PDGFRB: variants seen among roughly 807,000 people sequenced by gnomAD.
PDGFRB encodes platelet-derived growth factor receptor beta.
In PDGFRB, 42 loss-of-function variants were observed where a neutral mutation model predicts 120.2. That is an observed-to-expected ratio of 0.35 (90% CI 0.27 to 0.45). The LOEUF is 0.45. Ranked by LOEUF, PDGFRB falls within the 20% of genes least tolerant of loss-of-function variation. The pLI is 1.00. For synonymous variants in PDGFRB, 586 were observed against 606.8 expected, an observed-to-expected ratio of 0.97 and a Z score of 0.50; for missense variants, 1,149 against 1,476.3, an observed-to-expected ratio of 0.78 and a Z score of 3.63.
intron 22 of PDGFRB, 72 bp downstream of exon 22, chr5:150,117,546 A>ACACG (rs1554107299): frequency 4.0e-5 from 17 of 420,458 alleles, no homozygotes; most frequent in South Asian, 6.8e-5. Context: ...GCGCGCGCGC[A>ACACG]CACACACACA....
chr5:150,146,742 G>A lies in PDGFRB; in HGVS notation c.-7+8655C>T, dbSNP rs151185088. Among the ~76,000 whole-genome samples, 557 of 152,252 alleles carry A rather than the reference G, an allele frequency of 3.7e-3. 3 individuals are homozygous for A. The highest frequency in any genetic ancestry group is 0.01 in the Middle Eastern group (3 of 294). On this transcript the variant is annotated intron_variant, in intron 1 of 22. Coordinates refer to ENST00000261799, the MANE Select transcript of PDGFRB (RefSeq NM_002609.4). ...ACTGCCAAAACCTGAATTCTTGCCCGTCATGCCAGACTGTCTGTCTCCTGA... is the reference window on the plus strand; with the variant it reads ...ACTGCCAAAACCTGAATTCTTGCCCATCATGCCAGACTGTCTGTCTCCTGA...
intron 14 of PDGFRB, 44 bp from the exon 15 acceptor site, chr5:150,123,245 GGCGT>G: frequency 6.5e-7 from 1 of 1,537,212 alleles, no homozygotes; most frequent in Non-Finnish European, 9.0e-7. Context: ...GGAGGCCTCA[GGCGT>G]CCCTTCAAGG....
At chr5:150,138,713 C>T (rs543558256) in intron 1 of PDGFRB, among the ~76,000 whole-genome samples, 11 of 152,374 alleles carry the variant, frequency 7.2e-5, no homozygotes, top group African/African-American at 2.6e-4. Context: ...GGATGCCAGG[C>T]CTCCTTGGTC....
chr5:150,127,833 TAAAAA>T (rs56899708), intron 10 of PDGFRB, among the ~76,000 whole-genome samples: 5 of 62,432 alleles, frequency 8.0e-5, no homozygotes, highest in African/African-American at 3.7e-4. Flanking sequence ...GACTCCATCT[TAAAAA>T]AAAAAAAAAA....
At position 150,115,535 on chromosome 5, in the gene PDGFRB, C is replaced by A; in HGVS notation, c.*228G>T. The A allele has an allele frequency of 2.5e-6, 1 of 404,120 alleles. No homozygotes were observed. The highest frequency in any genetic ancestry group is 4.3e-6 in the Non-Finnish European group (1 of 230,354). The allele number at this position is 404,120 out of a possible 1,614,324, so 25.0% of individuals were successfully genotyped here. ...CCCTGGGGGAACCCTGGCTCAGAGT[C>A]AGTTGGCCTCCCTGGAGGCAGAGGG... On this transcript the variant is annotated 3_prime_UTR_variant, in exon 23 of 23. Coordinates refer to ENST00000261799, the MANE Select transcript of PDGFRB (RefSeq NM_002609.4).
rs2113914702 is a variant in PDGFRB at position 150,137,009 on chromosome 5, T to C, written c.39A>G (p.Lys13=). The stretch of plus-strand genomic sequence containing the variant: ...CTACCTTATCTCCCATCTACCCACC[T>C]TTGAGGGCCAGAGCTGGCATCGCAC... ...LPGAMPALAL[K]GELLLLSLLL... The change falls in exon 2 of 23, where the codon AAA becomes AAG. Residue 13 remains lysine (K), a splice_region_variant and synonymous_variant. Transcript: ENST00000261799. 6.2e-7 allele frequency: 1 copy of C among 1,613,190 alleles called. No homozygotes were observed. The highest frequency in any genetic ancestry group is 8.5e-7 in the Non-Finnish European group (1 of 1,179,316).
At position 150,143,861 on chromosome 5, in the gene PDGFRB, G is replaced by C. The variant is rs577656778; in HGVS notation, c.-6-6808C>G. Among the ~76,000 whole-genome samples, 4 of 151,722 alleles carry C rather than the reference G, an allele frequency of 2.6e-5. No individual in the cohort carries two copies. In the South Asian group the frequency reaches 6.3e-4, roughly 24 times the overall value. On this transcript the variant is annotated intron_variant, in intron 1 of 22. Coordinates refer to ENST00000261799, the MANE Select transcript of PDGFRB (RefSeq NM_002609.4). Reference sequence around the variant, plus strand: ...GCTCAGTGCTCCACCCCTGCACCACGAACCTCCCCACCAGCCTCGGGATCA... The same window carrying C: ...GCTCAGTGCTCCACCCCTGCACCACCAACCTCCCCACCAGCCTCGGGATCA...
chr5:150,124,965 T>C (rs1398253191), intron 12 of PDGFRB, 134 bp from the exon 13 acceptor site: 4 of 568,542 alleles, frequency 7.0e-6, no homozygotes, highest in South Asian at 2.1e-5. Flanking sequence ...AGAGCCACTC[T>C]CTTAGGTCAA....
intron 20 of PDGFRB, 84 bp downstream of exon 20, chr5:150,119,383 T>G (rs1760060751): frequency 1.2e-6 from 1 of 801,144 alleles, no homozygotes; most frequent in South Asian, 1.4e-5. Context: ...CTAACAAATC[T>G]CTCATCTTTG....
chr5:150,131,220 T>C (rs950042897), intron 8 of PDGFRB, among the ~76,000 whole-genome samples: 2 of 152,186 alleles, frequency 1.3e-5, no homozygotes, highest in East Asian at 3.8e-4. Context: ...CAAAGACCTA[T>C]GCGATTTGCC....
At chr5:150,138,587 G>T (rs369439972) in intron 1 of PDGFRB, among the ~76,000 whole-genome samples, 1 of 152,024 alleles carries the variant, frequency 6.6e-6, no homozygotes, top group South Asian at 2.1e-4. Flanking sequence ...CTGCCTGAAG[G>T]TCTCCTCGTT....
In PDGFRB at chr5:150,120,786, C is replaced by T; in HGVS notation, c.2586+102G>A. 2 of 1,121,608 alleles carry T rather than the reference C, an allele frequency of 1.8e-6. No individual in the cohort carries two copies. Among genetic ancestry groups the T allele is most frequent in the East Asian group, 2.5e-5 (1 of 40,068 alleles). The allele number at this position is 1,121,608 out of a possible 1,614,324, so 69.5% of individuals were successfully genotyped here. On this transcript the variant is annotated intron_variant, in intron 18 of 22. Transcript: ENST00000261799. This position sits in a 1 kb window ranked among gnomAD's most constrained non-coding sequence, Gnocchi z 4.3. ...TCAGGGCAGGCCACAAGGAGCCCCA[C>T]ACAGATTTCCTATGAGCTGCAGCCA...
chr5:150,128,634 T>C (rs1760362940), intron 10 of PDGFRB, among the ~76,000 whole-genome samples: 1 of 152,254 alleles, frequency 6.6e-6, no homozygotes, highest in Non-Finnish European at 1.5e-5. Flanking sequence ...CACAGGCCAT[T>C]CCCTCTGAGT....
chr5:150,150,108 T>C lies in PDGFRB; in HGVS notation c.-7+5289A>G, dbSNP rs78919864. On this transcript the variant is annotated intron_variant, in intron 1 of 22. Coordinates refer to ENST00000261799, the MANE Select transcript of PDGFRB (RefSeq NM_002609.4). ...TTCCCATTTCTTGTTGGGACGGCTT[T>C]GCTCCTTTTCAGCCCATAGCCCAGA... 4.0e-3 allele frequency among the ~76,000 whole-genome samples: 610 copies of C among 152,310 alleles called. 7 individuals are homozygous for C. Among genetic ancestry groups the C allele is most frequent in the African/African-American group, 0.01 (417 of 41,568 alleles).
chr5:150,115,832 T>A lies in PDGFRB; in HGVS notation c.3252A>T (p.Pro1084=). ...PQLELQVEPE[P]ELEQLPDSGC... ...CCGAATCCGGCAACTGTTCCAGCTC[T>A]GGCTCCGGCTCCACCTGGAGCTCAA... The change falls in exon 23 of 23, where the codon CCA becomes CCT. Residue 1084 remains proline, a synonymous_variant. Transcript: ENST00000261799. The A allele has an allele frequency of 6.2e-7, 1 of 1,612,454 alleles. No homozygotes were observed. Among genetic ancestry groups the A allele is most frequent in the Non-Finnish European group, 8.5e-7 (1 of 1,179,108 alleles).
At chr5:150,125,944 C>T (rs562082456) in intron 11 of PDGFRB, among the ~76,000 whole-genome samples, 10 of 152,282 alleles carry the variant, frequency 6.6e-5, no homozygotes, top group South Asian at 2.1e-4. Flanking sequence ...CGGCTGGATG[C>T]GGATGGCCCT....
rs1383478900 is a variant in PDGFRB at position 150,124,364 on chromosome 5, A to G, written c.1913-4T>C. 42 of 1,612,276 alleles carry G rather than the reference A, an allele frequency of 2.6e-5. No homozygotes were observed. The highest frequency in any genetic ancestry group is 3.6e-5 in the Non-Finnish European group (42 of 1,178,514). ...TTCTCACTGCTGCGGGCTGTGGCTG[A>G]GGAAAATGGGGGCCCCAGGCCAGGC... On this transcript the variant is annotated splice_polypyrimidine_tract_variant and splice_region_variant and intron_variant, in intron 13 of 22. Coordinates refer to ENST00000261799, the MANE Select transcript of PDGFRB (RefSeq NM_002609.4).
intron 1 of PDGFRB, among the ~76,000 whole-genome samples, chr5:150,154,390 T>C (rs1761166300): frequency 6.6e-6 from 1 of 152,140 alleles, no homozygotes; most frequent in African/African-American, 2.4e-5. Flanking sequence ...GTGGCTACAG[T>C]TATGTGGCTG....
intron 1 of PDGFRB, among the ~76,000 whole-genome samples, chr5:150,138,225 G>C (rs926348046): frequency 1.3e-5 from 2 of 152,206 alleles, no homozygotes; most frequent in African/African-American, 4.8e-5. Context: ...AGGCAACAAG[G>C]AGCCTCCTCT....
Sources: gnomAD v4.1 joint callset for allele counts (sites outside exome capture counted in the v4.1 genomes callset) on GRCh38, gnomAD v4.1.1 for gene constraint, Gnocchi (gnomAD v3.1) non-coding constraint, MANE v1.5 for transcripts, NCBI Gene and HGNC (gene_info 2026-07-23, HGNC 2026-07-21) for gene names.